TTYH2: variants seen among roughly 807,000 people sequenced by gnomAD.
TTYH2 encodes tweety family member 2.
Under a neutral mutation model 68.3 loss-of-function variants are expected in TTYH2, and 49 were observed. The observed-to-expected ratio is 0.72, with a 90% confidence interval of 0.57 to 0.91. TTYH2 has a LOEUF of 0.91. TTYH2 is among the 40% of genes least tolerant of loss of function. The probability of loss-of-function intolerance (pLI) is 0.00; values close to 1 mark genes in which losing one functional copy is unlikely to be tolerated. For synonymous variants in TTYH2, 272 were observed against 300.8 expected (o/e 0.90, Z 0.99); for missense variants, 631 against 700.4 (o/e 0.90, Z 1.12).
intron 2 of TTYH2, among the ~76,000 whole-genome samples, chr17:74,223,276 C>CTT (rs1187472026): frequency 1.5e-5 from 2 of 129,462 alleles, no homozygotes; most frequent in East Asian, 2.2e-4. Context: ...GCCTGCCTGG[C>CTT]TTTTTTTTTG....
chr17:74,234,658 C>G (rs2050424445), intron 3 of TTYH2, among the ~76,000 whole-genome samples: 1 of 151,600 alleles, frequency 6.6e-6, no homozygotes, highest in Non-Finnish European at 1.5e-5. Flanking sequence ...TTTTTTTTTC[C>G]CCCTAAGGAG....
intron 13 of TTYH2, among the ~76,000 whole-genome samples, chr17:74,254,897 A>T (rs1188906538): frequency 6.6e-6 from 1 of 152,134 alleles, no homozygotes; most frequent in Admixed American, 6.5e-5. Context: ...GCTGAACCCA[A>T]ACACAGCCTT....
intron 10 of TTYH2, among the ~76,000 whole-genome samples, chr17:74,251,631 G>GC (rs1417699395): frequency 3.3e-5 from 5 of 149,568 alleles, no homozygotes; most frequent in African/African-American, 1.0e-4. Flanking sequence ...ATCCGGTCCT[G>GC]CCCCTCCAGC....
Position 74,223,285 on chromosome 17 carries a change from TG to T in TTYH2, c.302+634del, listed in dbSNP as rs1555597190. 4.2e-5 allele frequency among the ~76,000 whole-genome samples: 5 copies of T among 117,734 alleles called. No individual in the cohort carries two copies. The East Asian group carries it at 1.1e-3, about 26-fold the overall frequency. 77.2% of individuals were successfully genotyped at this position (117,734 alleles called of 152,430 possible). ...CACCATGCCTGCCTGGCTTTTTTTT[TG>T]GGGGGCGGGGGGTGGGCGGGGAAGA... On this transcript the variant is annotated intron_variant, in intron 2 of 13. Coordinates refer to ENST00000269346, the MANE Select transcript of TTYH2 (RefSeq NM_032646.6).
rs3889186 is a variant in TTYH2, at chr17:74,215,036, C to A, written c.129+1320C>A. 0.12 allele frequency among the ~76,000 whole-genome samples: 18,267 copies of A among 151,880 alleles called. 2,960 individuals carry two copies. The highest frequency in any genetic ancestry group is 0.37 in the African/African-American group (15,247 of 41,338). On this transcript the variant is annotated intron_variant, in intron 1 of 13. Coordinates refer to ENST00000269346, the MANE Select transcript of TTYH2 (RefSeq NM_032646.6). This position sits in a 1 kb window ranked among gnomAD's most constrained non-coding sequence, Gnocchi z 4.3. ...AGGAGCAAGACGGCAGTCGGTGGACCCACCCCCCTCCCCCAGAGCCCAGCC... is the reference window on the plus strand; with the variant it reads ...AGGAGCAAGACGGCAGTCGGTGGACACACCCCCCTCCCCCAGAGCCCAGCC...
At chr17:74,249,243 A>G (rs1323841358) in intron 7 of TTYH2, 101 bp from the exon 8 acceptor site, 20 of 1,567,100 alleles carry the variant, frequency 1.3e-5, no homozygotes, top group Non-Finnish European at 1.8e-5. Flanking sequence ...CTCCCTTGGG[A>G]GCTCAGGGAC....
intron 1 of TTYH2, among the ~76,000 whole-genome samples, chr17:74,218,580 T>A (rs1485340029): frequency 6.6e-6 from 1 of 151,550 alleles, no homozygotes; most frequent in African/African-American, 2.4e-5. Context: ...GGCCTCGCTT[T>A]CACTGGAGCT....
Position 74,241,915 on chromosome 17 carries a change from C to T in TTYH2, c.636-1459C>T, listed in dbSNP as rs912901864. Reference sequence around the variant, plus strand: ...GGGACCTGTGTGGAAGGGAAAGGAACGAGGGCACTTTGTTTGGGGTCTTCT... The same window carrying T: ...GGGACCTGTGTGGAAGGGAAAGGAATGAGGGCACTTTGTTTGGGGTCTTCT... On this transcript the variant is annotated intron_variant, in intron 4 of 13. Coordinates refer to ENST00000269346, the MANE Select transcript of TTYH2 (RefSeq NM_032646.6). The surrounding 1 kb of genome is among the most constrained non-coding windows in gnomAD (Gnocchi z 4.1). 5.9e-5 allele frequency among the ~76,000 whole-genome samples: 9 copies of T among 152,170 alleles called. No homozygotes were observed. The highest frequency in any genetic ancestry group is 3.2e-3 in the Middle Eastern group (1 of 316).
intron 13 of TTYH2, chr17:74,256,835 G>C (rs2050697957): frequency 6.6e-6 from 1 of 152,202 alleles, no homozygotes. Flanking sequence ...TTTCAGTAGA[G>C]ACGGGGTTTC....
intron 8 of TTYH2, 117 bp from the exon 9 acceptor site, chr17:74,249,819 G>A (rs2050600226): frequency 2.5e-6 from 3 of 1,219,256 alleles, no homozygotes; most frequent in African/African-American, 1.6e-5. Context: ...GTGGGGGGGT[G>A]GGAGGGGCAG....
In TTYH2 at chr17:74,241,262, CGTGTGTGTGT is replaced by C. The variant is rs199960092; in HGVS notation, c.636-2086_636-2077del. ...ATAGACAGACCCGGTATTTATAATACGTGTGTGTGTGTGTGTGTGTGTGTGTGTGTGTGTG... is the reference window on the plus strand; with the variant it reads ...ATAGACAGACCCGGTATTTATAATACGTGTGTGTGTGTGTGTGTGTGTGTG... On this transcript the variant is annotated intron_variant, in intron 4 of 13. Coordinates refer to ENST00000269346, the MANE Select transcript of TTYH2 (RefSeq NM_032646.6). This position sits in a 1 kb window ranked among gnomAD's most constrained non-coding sequence, Gnocchi z 4.1. Among the ~76,000 whole-genome samples, 19 of 144,796 alleles carry C rather than the reference CGTGTGTGTGT, an allele frequency of 1.3e-4. No homozygotes were observed. Among genetic ancestry groups the C allele is most frequent in the East Asian group, 2.1e-4 (1 of 4,832 alleles). 95.0% of individuals were successfully genotyped at this position (144,796 alleles called of 152,430 possible). A position where few individuals can be genotyped will look rare whatever the true frequency, so the allele number is the denominator to read the frequency against.
intron 6 of TTYH2, among the ~76,000 whole-genome samples, chr17:74,246,280 G>A (rs2143765792): frequency 6.6e-6 from 1 of 152,218 alleles, no homozygotes; most frequent in Admixed American, 6.5e-5. Flanking sequence ...ACCCTGTCTG[G>A]GCCCACATCC....
At chr17:74,224,134 G>A (rs1272144648) in intron 2 of TTYH2, among the ~76,000 whole-genome samples, 1 of 152,232 alleles carries the variant, frequency 6.6e-6, no homozygotes, top group African/African-American at 2.4e-5. Flanking sequence ...GCATGGCCGG[G>A]CGCGGTGACT....
chr17:74,219,215 C>CAA (rs567646208), intron 1 of TTYH2, among the ~76,000 whole-genome samples: 4 of 131,256 alleles, frequency 3.0e-5, no homozygotes, highest in Admixed American at 7.4e-5. Context: ...GACTCCGTCT[C>CAA]AAAAAAAAAA....
At chr17:74,229,412 C>T (rs1304360407) in intron 2 of TTYH2, among the ~76,000 whole-genome samples, 1 of 151,998 alleles carries the variant, frequency 6.6e-6, no homozygotes, top group Non-Finnish European at 1.5e-5. Flanking sequence ...TTCCTATTGC[C>T]CAAATAAAAT....
chr17:74,234,810 A>T (rs191307132), intron 3 of TTYH2, among the ~76,000 whole-genome samples: 80 of 152,370 alleles, frequency 5.3e-4, no homozygotes, highest in Middle Eastern at 3.4e-3. Context: ...ATATAGAAAT[A>T]TAGAAATGTC....
rs570805014 is a variant in TTYH2 at position 74,230,931 on chromosome 17, G to A, written c.346G>A (p.Asp116Asn). Reference protein sequence around the residue: ...VGFYGNSETNDGAYQLMYSLD... With the variant: ...VGFYGNSETNNGAYQLMYSLD... ...TTTCTATGGAAACAGCGAGACCAAC[G>A]ATGGGGCGTACCAGCTGATGTACTC... The change falls in exon 3 of 14, where the codon GAT becomes AAT. Residue 116 changes from aspartate to asparagine, a missense_variant. By Grantham distance (23) the Asp-to-Asn change is conservative. Transcript: ENST00000269346. 25 of 1,614,208 alleles carry A rather than the reference G, an allele frequency of 1.5e-5. No individual in the cohort carries two copies. The highest frequency in any genetic ancestry group is 1.1e-4 in the South Asian group (10 of 91,082).
chr17:74,253,746 T>A lies in TTYH2; in HGVS notation c.1446-9T>A, dbSNP rs1349979186. On this transcript the variant is annotated splice_polypyrimidine_tract_variant and intron_variant, in intron 12 of 13. Coordinates refer to ENST00000269346, the MANE Select transcript of TTYH2 (RefSeq NM_032646.6). ...CATCCCCTCCTGAGCTCTCCTCTCA[T>A]CCCCGCAGGAACCAAGCCATGCTCT... The A allele has an allele frequency of 6.2e-7, 1 of 1,613,888 alleles. No homozygotes were observed. The highest frequency in any genetic ancestry group is 1.7e-5 in the Admixed American group (1 of 60,006).
At chr17:74,247,377 C>T (rs114220110) in intron 6 of TTYH2, among the ~76,000 whole-genome samples, 55 of 152,250 alleles carry the variant, frequency 3.6e-4, no homozygotes, top group Middle Eastern at 3.4e-3. Context: ...TACATGCACA[C>T]GCACACAGGT....
Sources: gnomAD v4.1 joint callset for allele counts (sites outside exome capture counted in the v4.1 genomes callset) on GRCh38, gnomAD v4.1.1 for gene constraint, Gnocchi (gnomAD v3.1) non-coding constraint, MANE v1.5 for transcripts, NCBI Gene and HGNC (gene_info 2026-07-23, HGNC 2026-07-21) for gene names.